CNBD1: variants seen among roughly 807,000 people sequenced by gnomAD.
The protein encoded by CNBD1 is cyclic nucleotide-binding domain-containing protein 1.
A neutral mutation model predicts 54.4 loss-of-function variants in CNBD1; 71 were observed. The observed-to-expected ratio is 1.30, with a 90% confidence interval of 1.08 to 1.59. CNBD1 has a LOEUF of 1.59. Ranked by LOEUF, CNBD1 falls within the 40% of genes most tolerant of loss-of-function variation. The pLI, the probability that CNBD1 is intolerant of heterozygous loss-of-function variation, is 0.00. For missense variants in CNBD1, 659 were observed against 518.0 expected (o/e 1.27, Z -2.64); for synonymous variants, 182 against 170.7 (o/e 1.07, Z -0.51).
chr8:87,084,099 AC>A (rs1436397628), intron 4 of CNBD1, among the ~76,000 whole-genome samples: 1 of 152,222 alleles, frequency 6.6e-6, no homozygotes, highest in Admixed American at 6.5e-5. Flanking sequence ...TTAAAGGATT[AC>A]AACAGTATAT....
chr8:86,930,801 A>G (rs988711273), intron 3 of CNBD1, among the ~76,000 whole-genome samples: 2 of 152,174 alleles, frequency 1.3e-5, no homozygotes, highest in Admixed American at 6.5e-5. Flanking sequence ...TTTTCTTACT[A>G]AGCCTTGAAC....
At chr8:87,338,894 G>A (rs77188402) in intron 8 of CNBD1, among the ~76,000 whole-genome samples, 3,664 of 152,116 alleles carry the variant, frequency 0.024, 149 homozygotes, top group African/African-American at 0.081. Flanking sequence ...TGGGTGAGGG[G>A]AAGTGCTCTT....
At chr8:86,921,640 C>A (rs1384118635) in intron 3 of CNBD1, among the ~76,000 whole-genome samples, 1 of 152,170 alleles carries the variant, frequency 6.6e-6, no homozygotes, top group Middle Eastern at 3.4e-3. Flanking sequence ...CTTTATAAAA[C>A]CATCAGATCT....
intron 4 of CNBD1, among the ~76,000 whole-genome samples, chr8:87,027,920 T>C (rs1394254020): frequency 1.3e-5 from 2 of 152,114 alleles, no homozygotes; most frequent in Non-Finnish European, 2.9e-5. Context: ...GTATGCTTCC[T>C]CTCTCTCTCA....
chr8:87,179,623 G>A (rs1033425338), intron 4 of CNBD1, among the ~76,000 whole-genome samples: 2 of 152,144 alleles, frequency 1.3e-5, no homozygotes, highest in Admixed American at 6.5e-5. Context: ...GTCTTGGCAC[G>A]ACCCAGAGTT....
At chr8:87,212,852 T>C (rs753248155) in intron 5 of CNBD1, among the ~76,000 whole-genome samples, 1 of 152,110 alleles carries the variant, frequency 6.6e-6, no homozygotes, top group Non-Finnish European at 1.5e-5. Context: ...ATTGAATAAT[T>C]TGGACCTTAT....
chr8:87,252,618 C>T lies in CNBD1; in HGVS notation c.771+15506C>T, dbSNP rs140740373. Among the ~76,000 whole-genome samples, 27 of 152,192 alleles carry T rather than the reference C, an allele frequency of 1.8e-4. No homozygotes were observed. The East Asian group carries it at 5.0e-3, about 28-fold the overall frequency. ...AAGCAAAAATGAATGCAACCTTGAT[C>T]CTGTTTTCAAATTTAAAATCTAGTA... On this transcript the variant is annotated intron_variant, in intron 6 of 10. Coordinates refer to ENST00000518476, the MANE Select transcript of CNBD1 (RefSeq NM_173538.3).
At chr8:87,388,867 C>G (rs1811248770) in intron 2 of CNBD1, among the ~76,000 whole-genome samples, 1 of 152,190 alleles carries the variant, frequency 6.6e-6, no homozygotes, top group Admixed American at 6.5e-5. Flanking sequence ...TACTGGCAAA[C>G]TGAATCCAGC....
At chr8:87,314,490 AAAG>A (rs372066935) in intron 8 of CNBD1, among the ~76,000 whole-genome samples, 1 of 152,092 alleles carries the variant, frequency 6.6e-6, no homozygotes, top group African/African-American at 2.4e-5. Flanking sequence ...TGATCTAAAA[AAAG>A]AAGTCAGCTA....
At chr8:87,340,785 T>C (rs1810049286) in intron 8 of CNBD1, among the ~76,000 whole-genome samples, 1 of 152,276 alleles carries the variant, frequency 6.6e-6, no homozygotes, top group Middle Eastern at 3.4e-3. Flanking sequence ...ATATTTTCTC[T>C]TTATCAAAAT....
In CNBD1 at chr8:87,399,916, C is replaced by T. The variant is rs1284435334; in HGVS notation, c.214-28630C>T. ...ATCTTTCCCAGGCACATTTTTTTTTCCTAAGGAGAAGGAAGAGCAATGACA... is the reference window on the plus strand; with the variant it reads ...ATCTTTCCCAGGCACATTTTTTTTTTCTAAGGAGAAGGAAGAGCAATGACA... On this transcript the variant is annotated intron_variant, in intron 2 of 7. Coordinates refer to the CNBD1 transcript ENST00000521593. Among the ~76,000 whole-genome samples the T allele has an allele frequency of 2.0e-5, 3 of 150,856 alleles. No homozygotes were observed. The East Asian group carries it at 5.8e-4, about 29-fold the overall frequency.
chr8:87,073,448 A>T (rs1294880530), intron 4 of CNBD1, among the ~76,000 whole-genome samples: 1 of 151,538 alleles, frequency 6.6e-6, no homozygotes, highest in African/African-American at 2.4e-5. Flanking sequence ...TCCACTTTTG[A>T]TCTTTGAGGT....
At chr8:87,421,688 G>T (rs1349938588) in intron 2 of CNBD1, among the ~76,000 whole-genome samples, 1 of 150,792 alleles carries the variant, frequency 6.6e-6, no homozygotes, top group Non-Finnish European at 1.5e-5. Flanking sequence ...TGGACATTTG[G>T]GTTGGTTCCA....
rs145429919 is a variant in CNBD1 at position 87,101,312 on chromosome 8, G to A, written c.432-104681G>A. On this transcript the variant is annotated intron_variant, in intron 4 of 10. Transcript: ENST00000518476. ...AAACATAATTATAGTGAATGAACAG[G>A]TGGGAAATCTTACTTGAGAAAGTGT... is the stretch of plus-strand genomic sequence containing the variant. Among the ~76,000 whole-genome samples the A allele has an allele frequency of 5.5e-3, 830 of 152,252 alleles. 4 individuals are homozygous for A. Among genetic ancestry groups the A allele is most frequent in the Middle Eastern group, 0.027 (8 of 294 alleles).
At chr8:86,981,139 ACT>A (rs1422005010) in intron 4 of CNBD1, among the ~76,000 whole-genome samples, 2 of 152,036 alleles carry the variant, frequency 1.3e-5, no homozygotes, top group African/African-American at 2.4e-5. Context: ...CTATGGAAAG[ACT>A]CTGGCATTAT....
At position 87,391,105 on chromosome 8, in the gene CNBD1, G is replaced by T. The variant is rs374409987; in HGVS notation, c.213+37319G>T. On this transcript the variant is annotated intron_variant, in intron 2 of 7. Transcript: ENST00000521593. Reference sequence around the variant, plus strand: ...GGGGCCTGTTGTGGGGTGGGGGAAGGGGGGAGGGATAGCATTAGGATATAT... The same window carrying T: ...GGGGCCTGTTGTGGGGTGGGGGAAGTGGGGAGGGATAGCATTAGGATATAT... Among the ~76,000 whole-genome samples, 469 of 152,024 alleles carry T rather than the reference G, an allele frequency of 3.1e-3. 5 individuals are homozygous for T. Among genetic ancestry groups the T allele is most frequent in the African/African-American group, 9.9e-3 (412 of 41,464 alleles).
At chr8:86,911,092 C>T (rs1809093359) in intron 3 of CNBD1, among the ~76,000 whole-genome samples, 1 of 152,196 alleles carries the variant, frequency 6.6e-6, no homozygotes, top group Non-Finnish European at 1.5e-5. Flanking sequence ...TGCTTTTCTA[C>T]TGTACATGTG....
chr8:87,178,691 G>T (rs1813248522), intron 4 of CNBD1, among the ~76,000 whole-genome samples: 1 of 152,138 alleles, frequency 6.6e-6, no homozygotes, highest in Non-Finnish European at 1.5e-5. Context: ...ATTAATCCAG[G>T]TAAACAGTGA....
rs200025339 is a variant in CNBD1, at chr8:87,371,275, G to T, written c.1304-11345G>T. On this transcript the variant is annotated intron_variant, in intron 10 of 10. Coordinates refer to ENST00000518476, the MANE Select transcript of CNBD1 (RefSeq NM_173538.3). ...TCCATTTCTGTGAGGAAAGTCATTG[G>T]TAGCTTGATGGGGATGGCATTGAAT... Among the ~76,000 whole-genome samples the T allele has an allele frequency of 2.6e-5, 4 of 151,972 alleles. No homozygotes were observed. In the East Asian group the frequency reaches 7.7e-4, roughly 29 times the overall value.
Sources: gnomAD v4.1 joint callset for allele counts (sites outside exome capture counted in the v4.1 genomes callset) on GRCh38, gnomAD v4.1.1 for gene constraint, MANE v1.5 for transcripts, NCBI Gene and HGNC (gene_info 2026-07-23, HGNC 2026-07-21) for gene names.